Variants in ITGA6 observed in about 807,000 individuals in gnomAD.
ITGA6 encodes the protein integrin alpha-6.
ITGA6 carries 63 observed loss-of-function variants against 133.6 expected under a neutral mutation model. The observed-to-expected ratio is 0.47, with a 90% CI of 0.38 to 0.58. The LOEUF (loss-of-function observed/expected upper bound fraction) is 0.58. ITGA6 is among the 20% of genes least tolerant of loss of function. The pLI is 0.00. For missense variants in ITGA6, 1,068 were observed against 1,309.4 expected, an observed-to-expected ratio of 0.82 and a Z score of 2.85; for synonymous variants, 434 against 482.0, an observed-to-expected ratio of 0.90 and a Z score of 1.30.
chr2:172,506,131 CATG>C lies in ITGA6; in HGVS notation c.*2066_*2068del. The C allele has an allele frequency of 6.6e-6, 1 of 152,580 alleles. No homozygotes were observed. Among genetic ancestry groups the C allele is most frequent in the Admixed American group, 6.5e-5 (1 of 15,278 alleles). 9.5% of individuals were successfully genotyped at this position (152,580 alleles called of 1,614,324 possible). On this transcript the variant is annotated 3_prime_UTR_variant, in exon 26 of 26. Transcript: ENST00000684293. ...ACTAACTAGCATTGTAAAATTATTT[CATG>C]ATTAGAAATTACCTGTGGATATTTG... is the stretch of plus-strand genomic sequence containing the variant.
chr2:172,474,023 T>C, intron 5 of ITGA6, 32 bp from the exon 6 acceptor site: 1 of 1,459,610 alleles, frequency 6.9e-7, no homozygotes, highest in East Asian at 2.3e-5. Flanking sequence ...TATGGATTGA[T>C]GTGAGGGGCT....
At chr2:172,486,845 A>G (rs1346237711) in intron 13 of ITGA6, among the ~76,000 whole-genome samples, 178 bp from the exon 14 acceptor site, 7 of 152,198 alleles carry the variant, frequency 4.6e-5, no homozygotes, top group South Asian at 4.1e-4. Context: ...TTCAAACACA[A>G]TTTTACTAAA....
intron 1 of ITGA6, among the ~76,000 whole-genome samples, chr2:172,460,165 T>C (rs558102846): frequency 1.4e-4 from 22 of 152,298 alleles, no homozygotes; most frequent in African/African-American, 5.3e-4. Context: ...AGAATACAGT[T>C]TGGTTCAGCA....
intron 1 of ITGA6, among the ~76,000 whole-genome samples, chr2:172,446,529 C>G (rs1436328241): frequency 6.6e-6 from 1 of 152,118 alleles, no homozygotes; most frequent in South Asian, 2.1e-4. Context: ...TACTATGTGC[C>G]GAGCACTGTG....
At chr2:172,464,213 C>T (rs76467605) in intron 1 of ITGA6, 2,322 of 152,384 alleles carry the variant, frequency 0.015, 31 homozygotes, top group South Asian at 0.056. Flanking sequence ...CACTTGCCTC[C>T]GGTGGCACCT....
chr2:172,484,261 T>C (rs764800798), intron 11 of ITGA6, among the ~76,000 whole-genome samples: 11 of 152,386 alleles, frequency 7.2e-5, no homozygotes, highest in Middle Eastern at 3.4e-3. Context: ...GATGCTGTTA[T>C]TAATAAAGCA....
intron 1 of ITGA6, among the ~76,000 whole-genome samples, chr2:172,452,455 A>T (rs1253744829): frequency 6.6e-6 from 1 of 151,974 alleles, no homozygotes; most frequent in African/African-American, 2.4e-5. Context: ...TATAGAGGGG[A>T]TTGGGGGCTG....
intron 11 of ITGA6, among the ~76,000 whole-genome samples, chr2:172,484,134 G>A (rs978461820): frequency 8.5e-5 from 13 of 152,098 alleles, no homozygotes; most frequent in Non-Finnish European, 1.6e-4. Context: ...TTAAGGTAAA[G>A]GTCTCATCCT....
intron 1 of ITGA6, chr2:172,464,360 T>C (rs1685558505): frequency 6.6e-6 from 1 of 152,356 alleles, no homozygotes; most frequent in Non-Finnish European, 1.5e-5. Flanking sequence ...CTTCTGAGAT[T>C]TGTGGGTTTC....
Position 172,506,230 on chromosome 2 carries a change from C to G in ITGA6, c.*2162C>G. 6.5e-6 allele frequency: 1 copy of G among 152,686 alleles called. No individual in the cohort carries two copies. Among genetic ancestry groups the G allele is most frequent in the African/African-American group, 2.4e-5 (1 of 41,522 alleles). The allele number at this position is 152,686 out of a possible 1,614,324, so 9.5% of individuals were successfully genotyped here. Reference sequence around the variant, plus strand: ...GTAACACAGCATTGTATATGTGAAGCAAACTCTAAAATTATAAATGACAAC... The same window carrying G: ...GTAACACAGCATTGTATATGTGAAGGAAACTCTAAAATTATAAATGACAAC... On this transcript the variant is annotated 3_prime_UTR_variant, in exon 26 of 26. Transcript: ENST00000684293.
At chr2:172,456,638 A>G (rs1015709054) in intron 1 of ITGA6, among the ~76,000 whole-genome samples, 2 of 152,284 alleles carry the variant, frequency 1.3e-5, no homozygotes, top group South Asian at 2.1e-4. Context: ...GCTAAGTACA[A>G]CATAGCCTGT....
Position 172,504,261 on chromosome 2 carries a change from T to A in ITGA6, c.*193T>A, listed in dbSNP as rs755583353. 1.8e-5 allele frequency: 22 copies of A among 1,214,284 alleles called. No homozygotes were observed. The highest frequency in any genetic ancestry group is 8.6e-5 in the Admixed American group (3 of 34,684). 75.2% of individuals were successfully genotyped at this position (1,214,284 alleles called of 1,614,324 possible). A position where few individuals can be genotyped will look rare whatever the true frequency, so the allele number is the denominator to read the frequency against. ...ATGAAAGCTACTCATAGCGGGGGCC[T>A]AAAAAAAAAAAGCTTCACAGTACCC... On this transcript the variant is annotated 3_prime_UTR_variant, in exon 26 of 26. Coordinates refer to ENST00000684293, the MANE Select transcript of ITGA6 (RefSeq NM_000210.4).
intron 1 of ITGA6, among the ~76,000 whole-genome samples, chr2:172,455,493 T>C (rs927958560): frequency 6.6e-6 from 1 of 152,004 alleles, no homozygotes; most frequent in Non-Finnish European, 1.5e-5. Context: ...CCAGCAAGAG[T>C]GTGAATTTCA....
At chr2:172,454,691 T>G (rs2149022470) in intron 1 of ITGA6, among the ~76,000 whole-genome samples, 1 of 152,222 alleles carries the variant, frequency 6.6e-6, no homozygotes, top group South Asian at 2.1e-4. Context: ...CTACATTAGG[T>G]TAAATGGCAA....
intron 9 of ITGA6, among the ~76,000 whole-genome samples, chr2:172,478,369 T>C (rs1309915294): frequency 6.6e-6 from 1 of 152,158 alleles, no homozygotes; most frequent in African/African-American, 2.4e-5. Flanking sequence ...GAAACACTGT[T>C]CTCCAGAATG....
rs544144524 is a variant in ITGA6, at chr2:172,433,622, C to T, written c.182+5652C>T. ...AAGGCTGTAAGAGGTGCAGTGGTGG[C>T]GGCATGTCTAGCAAACTTGGTCTTC... is the stretch of plus-strand genomic sequence containing the variant. On this transcript the variant is annotated intron_variant, in intron 1 of 25. Coordinates refer to ENST00000684293, the MANE Select transcript of ITGA6 (RefSeq NM_000210.4). Among the ~76,000 whole-genome samples, 13 of 152,256 alleles carry T rather than the reference C, an allele frequency of 8.5e-5. No homozygotes were observed. The South Asian group carries it at 2.3e-3, about 27-fold the overall frequency.
chr2:172,477,244 A>G (rs1168881177), intron 9 of ITGA6, among the ~76,000 whole-genome samples: 1 of 152,184 alleles, frequency 6.6e-6, no homozygotes, highest in Non-Finnish European at 1.5e-5. Flanking sequence ...GGTTTCGCCA[A>G]GATGACCTCC....
intron 23 of ITGA6, among the ~76,000 whole-genome samples, chr2:172,493,224 T>C (rs558425625): frequency 9.1e-4 from 138 of 152,140 alleles, no homozygotes; most frequent in African/African-American, 3.1e-3. Context: ...TACATTTGCC[T>C]GAGACAAATG....
chr2:172,478,651 T>C (rs750982924), intron 9 of ITGA6, among the ~76,000 whole-genome samples: 2 of 152,178 alleles, frequency 1.3e-5, no homozygotes, highest in Non-Finnish European at 2.9e-5. Context: ...GGCGTGGAAT[T>C]GGATTCCAGC....
Sources: allele counts gnomAD v4.1 joint callset (sites outside exome capture counted in the v4.1 genomes callset), GRCh38; gene constraint gnomAD v4.1.1; transcripts MANE v1.5; gene names NCBI Gene and HGNC (gene_info 2026-07-23, HGNC 2026-07-21).